The following LRRC20 variants were observed in gnomAD, a reference collection of about 807,000 sequenced individuals.
The protein encoded by LRRC20 is leucine-rich repeat-containing protein 20.
A neutral mutation model predicts 14.4 loss-of-function variants in LRRC20; 11 were observed. The ratio of observed to expected loss-of-function variants is 0.77; its 90% confidence interval spans 0.48 to 1.27. The LOEUF is 1.27. LRRC20 is among the 50% of genes most tolerant of loss of function. LRRC20 has a pLI of 0.00. For synonymous variants in LRRC20, 121 were observed against 107.3 expected (o/e 1.13, Z -0.79); for missense variants, 219 against 251.2 (o/e 0.87, Z 0.87).
rs549216834 is a variant in LRRC20, at chr10:70,359,129, G to A, written c.82+17323C>T. ...TGAAAGAAACTAGCTCTGTGATCCT[G>A]GAATCTGCCTTGACAAAGGCTGTGG... On this transcript the variant is annotated intron_variant, in intron 2 of 4. Transcript: ENST00000446961. Among the ~76,000 whole-genome samples the A allele has an allele frequency of 3.9e-5, 6 of 152,296 alleles. No homozygotes were observed. The South Asian group carries it at 1.2e-3, about 32-fold the overall frequency.
intron 4 of LRRC20, among the ~76,000 whole-genome samples, chr10:70,302,812 G>A (rs1390764898): frequency 2.0e-5 from 3 of 151,330 alleles, no homozygotes; most frequent in Admixed American, 6.6e-5. Context: ...CCAGGTTCAC[G>A]CCATTCTCCT....
intron 4 of LRRC20, among the ~76,000 whole-genome samples, chr10:70,304,473 TATATATATATA>T (rs1841333934): frequency 7.2e-4 from 8 of 11,176 alleles, no homozygotes; most frequent in African/African-American, 3.2e-3. Flanking sequence ...CACTTCTTTA[TATATATATATA>T]TATATATATA....
chr10:70,371,555 C>A (rs950960731), intron 2 of LRRC20, among the ~76,000 whole-genome samples: 2 of 151,860 alleles, frequency 1.3e-5, no homozygotes, highest in African/African-American at 2.4e-5. Flanking sequence ...GGAAGCCTGG[C>A]CCCACAACCA....
At chr10:70,318,052 T>C (rs1032423789) in intron 4 of LRRC20, among the ~76,000 whole-genome samples, 11 of 152,244 alleles carry the variant, frequency 7.2e-5, no homozygotes, top group African/African-American at 2.4e-4. Flanking sequence ...CTGGGGGTTC[T>C]TGCTCAGGTG....
chr10:70,308,671 C>T (rs116389809), intron 4 of LRRC20, among the ~76,000 whole-genome samples: 1,987 of 151,590 alleles, frequency 0.013, 54 homozygotes, highest in African/African-American at 0.046. Context: ...ATGTGACAGG[C>T]GAGCGAGCCA....
intron 2 of LRRC20, among the ~76,000 whole-genome samples, chr10:70,356,793 G>A (rs1470536158): frequency 6.6e-6 from 1 of 152,014 alleles, no homozygotes; most frequent in Admixed American, 6.6e-5. Context: ...GGAGGTTGCA[G>A]TGAGCCAAGA....
intron 4 of LRRC20, among the ~76,000 whole-genome samples, chr10:70,315,217 G>T (rs1260788728): frequency 6.6e-6 from 1 of 152,180 alleles, no homozygotes; most frequent in African/African-American, 2.4e-5. Context: ...ATGAGAGCAG[G>T]GAGTGTGTTT....
intron 4 of LRRC20, among the ~76,000 whole-genome samples, chr10:70,319,217 A>T (rs999661927): frequency 2.0e-5 from 3 of 151,914 alleles, no homozygotes; most frequent in Admixed American, 6.6e-5. Context: ...TGAAGGTTAC[A>T]GAAAGTTAAA....
intron 3 of LRRC20, among the ~76,000 whole-genome samples, chr10:70,334,232 A>G (rs1365395254): frequency 6.6e-6 from 1 of 151,940 alleles, no homozygotes; most frequent in East Asian, 1.9e-4. Flanking sequence ...CATCCCATTG[A>G]CCGCACAAAG....
At chr10:70,345,722 T>A (rs1320795605) in intron 2 of LRRC20, among the ~76,000 whole-genome samples, 1 of 152,228 alleles carries the variant, frequency 6.6e-6, no homozygotes, top group Non-Finnish European at 1.5e-5. Flanking sequence ...CCAATTTACA[T>A]GTAACCTATC....
chr10:70,347,998 C>G (rs962327911), intron 2 of LRRC20, among the ~76,000 whole-genome samples: 15 of 152,146 alleles, frequency 9.9e-5, no homozygotes, highest in African/African-American at 3.6e-4. Context: ...GCTATCGAGG[C>G]CCTCCTGTGT....
At chr10:70,302,713 CT>C (rs766170383) in intron 4 of LRRC20, among the ~76,000 whole-genome samples, 344 of 139,996 alleles carry the variant, frequency 2.5e-3, no homozygotes, top group Admixed American at 2.6e-3. Flanking sequence ...GTCTCTATTT[CT>C]TTTTTTTTTT....
chr10:70,351,787 T>C (rs1332335636), intron 2 of LRRC20, among the ~76,000 whole-genome samples: 1 of 151,996 alleles, frequency 6.6e-6, no homozygotes, highest in Admixed American at 6.6e-5. Context: ...CCAGTGTGAG[T>C]TGTGGAGGGA....
chr10:70,318,586 T>G (rs1005179860), intron 4 of LRRC20, among the ~76,000 whole-genome samples: 1 of 151,974 alleles, frequency 6.6e-6, no homozygotes, highest in Non-Finnish European at 1.5e-5. Flanking sequence ...AAAACCCATC[T>G]CTACCAAAAA....
intron 3 of LRRC20, among the ~76,000 whole-genome samples, chr10:70,337,465 C>T (rs1400182547): frequency 6.6e-6 from 1 of 152,208 alleles, no homozygotes; most frequent in Non-Finnish European, 1.5e-5. Flanking sequence ...CCACTGGCAG[C>T]AGAGAAGGAG....
At chr10:70,359,766 G>T (rs1435073570) in intron 2 of LRRC20, among the ~76,000 whole-genome samples, 1 of 152,168 alleles carries the variant, frequency 6.6e-6, no homozygotes, top group Non-Finnish European at 1.5e-5. Context: ...TAAGTAGAAT[G>T]TTCTCCCTTA....
At chr10:70,325,824 C>A (rs556329283) in intron 3 of LRRC20, among the ~76,000 whole-genome samples, 1 of 152,180 alleles carries the variant, frequency 6.6e-6, no homozygotes, top group Non-Finnish European at 1.5e-5. Context: ...GCCTTCCAAC[C>A]TTTCTGAGTC....
chr10:70,310,555 C>T (rs555325728), intron 4 of LRRC20, among the ~76,000 whole-genome samples: 4 of 152,342 alleles, frequency 2.6e-5, no homozygotes, highest in Admixed American at 2.6e-4. Flanking sequence ...TATCATGCAC[C>T]ATGCCCTGCA....
chr10:70,360,960 G>A (rs1843695599), intron 2 of LRRC20, among the ~76,000 whole-genome samples: 1 of 151,880 alleles, frequency 6.6e-6, no homozygotes, highest in Non-Finnish European at 1.5e-5. Context: ...TGAGGTGGGA[G>A]GACCACTTGA....
Sources: allele counts gnomAD v4.1 joint callset (sites outside exome capture counted in the v4.1 genomes callset), GRCh38; gene constraint gnomAD v4.1.1; transcripts MANE v1.5; gene names NCBI Gene and HGNC (gene_info 2026-07-23, HGNC 2026-07-21).